MACROD2: variants seen among roughly 807,000 people sequenced by gnomAD.
The protein encoded by MACROD2 is mono-ADP ribosylhydrolase 2.
Under a neutral mutation model 70.4 loss-of-function variants are expected in MACROD2, and 36 were observed. The ratio of observed to expected loss-of-function variants is 0.51; its 90% CI spans 0.39 to 0.68. MACROD2 has a LOEUF of 0.68. Among genes scored for constraint, MACROD2 ranks in the 30% least tolerant of loss-of-function variants. The pLI, the probability that MACROD2 is intolerant of heterozygous loss-of-function variation, is 0.00. For synonymous variants in MACROD2, 172 were observed against 178.8 expected, an observed-to-expected ratio of 0.96 and a Z score of 0.30; for missense variants, 496 against 538.4, an observed-to-expected ratio of 0.92 and a Z score of 0.78.
chr20:15,246,343 T>G (rs117652461), intron 6 of MACROD2, among the ~76,000 whole-genome samples: 1,639 of 152,258 alleles, frequency 0.011, 11 homozygotes, highest in South Asian at 0.018. Flanking sequence ...TTACCAAACC[T>G]GAGTTTTTTA....
chr20:15,521,897 A>T (rs1386705138), intron 8 of MACROD2, among the ~76,000 whole-genome samples: 1 of 152,238 alleles, frequency 6.6e-6, no homozygotes, highest in Admixed American at 6.5e-5. Context: ...GTCAGTTCGT[A>T]TGCAGCTTAA....
At chr20:15,891,993 A>G (rs1040894080) in intron 10 of MACROD2, among the ~76,000 whole-genome samples, 1 of 152,160 alleles carries the variant, frequency 6.6e-6, no homozygotes, top group African/African-American at 2.4e-5. Context: ...GGAGAAGGCC[A>G]ACTCTAAGAT....
intron 3 of MACROD2, among the ~76,000 whole-genome samples, chr20:14,118,879 T>C (rs2054545497): frequency 6.8e-6 from 1 of 147,506 alleles, no homozygotes; most frequent in Non-Finnish European, 1.5e-5. Flanking sequence ...AGAGTCTGAC[T>C]CTCTTACCCA....
chr20:15,147,977 G>A lies in MACROD2; in HGVS notation c.419-81963G>A, dbSNP rs145206667. Among the ~76,000 whole-genome samples, 385 of 152,226 alleles carry A rather than the reference G, an allele frequency of 2.5e-3. 7 individuals carry two copies. The highest frequency in any genetic ancestry group is 8.9e-3 in the African/African-American group (371 of 41,518). ...AATGTCATCAGTTAAGGCAGGAACC[G>A]GCCATCTCTATGTGTATGTGCAGGT... On this transcript the variant is annotated intron_variant, in intron 5 of 17. Transcript: ENST00000684519.
chr20:14,620,034 G>C (rs1983739994), intron 4 of MACROD2, among the ~76,000 whole-genome samples: 1 of 152,110 alleles, frequency 6.6e-6, no homozygotes, highest in African/African-American at 2.4e-5. Context: ...ACAGGAAGTA[G>C]GCTGGAAGAG....
At chr20:15,468,375 T>C (rs753347832) in intron 7 of MACROD2, among the ~76,000 whole-genome samples, 8 of 152,242 alleles carry the variant, frequency 5.3e-5, no homozygotes. Context: ...GTGTCTTAAC[T>C]ACAAACGAAA....
intron 6 of MACROD2, among the ~76,000 whole-genome samples, chr20:15,281,446 G>A (rs1205359460): frequency 1.3e-5 from 2 of 152,018 alleles, no homozygotes; most frequent in Non-Finnish European, 2.9e-5. Context: ...AGATACAATG[G>A]GGGTACAGGC....
chr20:15,771,306 C>G (rs185050686), intron 8 of MACROD2, among the ~76,000 whole-genome samples: 2 of 151,982 alleles, frequency 1.3e-5, no homozygotes, highest in African/African-American at 4.8e-5. Context: ...TCCAAGGTAG[C>G]TGGGACTATA....
chr20:15,340,476 C>A (rs556022268), intron 6 of MACROD2, among the ~76,000 whole-genome samples: 1 of 152,064 alleles, frequency 6.6e-6, no homozygotes, highest in Non-Finnish European at 1.5e-5. Context: ...TAGACCTAAC[C>A]CACATTGTTG....
intron 2 of MACROD2, among the ~76,000 whole-genome samples, chr20:14,054,352 G>A (rs1039009256): frequency 2.6e-5 from 4 of 151,998 alleles, no homozygotes; most frequent in Non-Finnish European, 4.4e-5. Context: ...TTCCAGCTGA[G>A]TGCAAGTTGT....
chr20:14,991,229 A>G (rs1173559052), intron 5 of MACROD2, among the ~76,000 whole-genome samples: 2 of 152,002 alleles, frequency 1.3e-5, no homozygotes, highest in East Asian at 1.9e-4. Context: ...ACGTTGCCCC[A>G]TTTCCCAACT....
intron 15 of MACROD2, among the ~76,000 whole-genome samples, chr20:16,003,730 G>A (rs1400825021): frequency 6.6e-6 from 1 of 152,090 alleles, no homozygotes; most frequent in East Asian, 1.9e-4. Context: ...GAGTGCAGTG[G>A]CGTGATCTCA....
At chr20:15,543,423 CCA>C (rs574133772) in intron 8 of MACROD2, among the ~76,000 whole-genome samples, 125 of 152,162 alleles carry the variant, frequency 8.2e-4, no homozygotes, top group African/African-American at 3.0e-3. Flanking sequence ...TTTAATGGTG[CCA>C]CACACAGGTG....
intron 6 of MACROD2, among the ~76,000 whole-genome samples, chr20:15,338,121 T>C (rs2423935): frequency 0.62 from 93,869 of 151,194 alleles, 29,598 homozygotes; most frequent in East Asian, 0.75. Flanking sequence ...ATCCAAGCAA[T>C]GCTTATTTCT....
At chr20:15,087,099 C>A (rs927551269) in intron 5 of MACROD2, among the ~76,000 whole-genome samples, 1 of 151,542 alleles carries the variant, frequency 6.6e-6, no homozygotes, top group African/African-American at 2.4e-5. Context: ...TCTTTATTAT[C>A]TCTCTTATTT....
At chr20:15,892,742 C>G (rs929023286) in intron 10 of MACROD2, among the ~76,000 whole-genome samples, 6 of 152,226 alleles carry the variant, frequency 3.9e-5, no homozygotes, top group African/African-American at 1.4e-4. Flanking sequence ...AAGTTTAAGT[C>G]TATGTAGGTT....
intron 6 of MACROD2, among the ~76,000 whole-genome samples, chr20:15,312,041 A>C (rs957956250): frequency 2.6e-5 from 4 of 152,184 alleles, no homozygotes; most frequent in Non-Finnish European, 5.9e-5. Flanking sequence ...TAAACAAAAA[A>C]AATTAAAGAG....
chr20:14,345,097 C>G (rs6105251), intron 3 of MACROD2, among the ~76,000 whole-genome samples: 1 of 152,116 alleles, frequency 6.6e-6, no homozygotes, highest in Admixed American at 6.5e-5. Context: ...GCCAAAAATC[C>G]TAGTTTGACA....
intron 5 of MACROD2, among the ~76,000 whole-genome samples, chr20:15,045,339 C>T (rs1469976762): frequency 6.6e-6 from 1 of 152,128 alleles, no homozygotes; most frequent in Non-Finnish European, 1.5e-5. Context: ...ACACCTTTGC[C>T]ACCTCTGTGA....
Sources: allele counts gnomAD v4.1 joint callset (sites outside exome capture counted in the v4.1 genomes callset), GRCh38; gene constraint gnomAD v4.1.1; transcripts MANE v1.5; gene names NCBI Gene and HGNC (gene_info 2026-07-23, HGNC 2026-07-21).